The following GABRQ variants were observed in gnomAD, a reference collection of about 807,000 sequenced individuals.
GABRQ encodes gamma-aminobutyric acid receptor subunit theta.
In GABRQ, 19 loss-of-function variants were observed where a neutral mutation model predicts 30.5. The ratio of observed to expected loss-of-function variants is 0.62; its 90% CI spans 0.43 to 0.91. The LOEUF (loss-of-function observed/expected upper bound fraction) is 0.91. GABRQ is among the 40% of genes least tolerant of loss of function. The pLI is 0.00. For missense variants in GABRQ, 520 were observed against 521.4 expected (o/e 1.00, Z 0.03); for synonymous variants, 187 against 210.2 (o/e 0.89, Z 0.95).
downstream of GABRQ, among the ~76,000 whole-genome samples, chrX:152,658,414 T>C (rs1556821388): frequency 8.9e-6 from 1 of 112,155 alleles, no homozygotes. Flanking sequence ...ATAAACCAGC[T>C]AGGGCCCTTT....
rs1556817688 is a variant in GABRQ, at chrX:152,638,161, G to T, written c.-42G>T. 2 of 1,183,914 alleles carry T rather than the reference G, an allele frequency of 1.7e-6. No homozygotes were observed. On this transcript the variant is annotated 5_prime_UTR_variant, in exon 1 of 9. Coordinates refer to ENST00000598523, the MANE Select transcript of GABRQ (RefSeq NM_018558.4). ...CACCCCACCTCTGTTCCTTTTCGCG[G>T]CCCCGTCTCCCGCGCCCTCAGGCGC...
Position 152,647,018 on chromosome X carries a change from T to C in GABRQ, c.377T>C (p.Leu126Pro), listed in dbSNP as rs1930904810. The C allele has an allele frequency of 8.3e-7, 1 of 1,206,724 alleles. No homozygotes were observed. The highest frequency in any genetic ancestry group is 1.7e-5 in the African/African-American group (1 of 57,747). The change falls in exon 4 of 9, where the codon CTG becomes CCG. Residue 126 changes from leucine (L) to proline (P), a missense_variant. Transcript: ENST00000598523. The part of the protein sequence containing the change: ...DSRLAYYETT[L>P]NLTLDYRMHE... Reference sequence around the variant, plus strand: ...CGCTTAGCATACTATGAGACCACCCTGAACTTGACCCTGGACTATCGGATG... The same window carrying C: ...CGCTTAGCATACTATGAGACCACCCCGAACTTGACCCTGGACTATCGGATG...
chrX:152,641,252 G>A (rs1411244362), intron 2 of GABRQ, among the ~76,000 whole-genome samples: 3 of 112,060 alleles, frequency 2.7e-5, no homozygotes, highest in Non-Finnish European at 5.6e-5. Context: ...CTGACCCGGC[G>A]TAGCAAACGC....
rs1237653038 is a variant in GABRQ, at chrX:152,654,370, C to T, written c.*1089C>T. The T allele has an allele frequency of 8.9e-6, 1 of 112,063 alleles. No homozygotes were observed. The highest frequency in any genetic ancestry group is 3.2e-5 in the African/African-American group (1 of 30,804). The allele number at this position is 112,063 out of a possible 1,213,427, so 9.2% of individuals were successfully genotyped here. A position where few individuals can be genotyped will look rare whatever the true frequency, so the allele number is the denominator to read the frequency against. Reference sequence around the variant, plus strand: ...GGAGCCTCACAGGAGCCCTGTAAGCCAGGGAAGGCAAAGCACATTGTCCCC... The same window carrying T: ...GGAGCCTCACAGGAGCCCTGTAAGCTAGGGAAGGCAAAGCACATTGTCCCC... On this transcript the variant is annotated 3_prime_UTR_variant, in exon 9 of 9. Transcript: ENST00000598523.
chrX:152,639,227 A>G (rs969013215), intron 1 of GABRQ, among the ~76,000 whole-genome samples: 9 of 104,670 alleles, frequency 8.6e-5, no homozygotes, highest in African/African-American at 2.4e-4. Flanking sequence ...GATTAGGAAT[A>G]ATTTTTAACA....
Position 152,651,586 on chromosome X carries a change from A to G in GABRQ, c.962A>G (p.Asn321Ser), listed in dbSNP as rs781989212. Residue 321 changes from asparagine to serine, a missense_variant, in exon 8 of 9, where the codon AAC (asparagine) becomes AGC (serine). Asn to Ser is a conservative substitution (Grantham distance 46). Transcript: ENST00000598523. ...TCACATCTGCGGGATAAGCTCCCCA[A>G]CATTTCCTGTATCAAGGCCATTGAT... ...IDSHLRDKLP[N>S]ISCIKAIDIY... is the part of the protein sequence containing the mutation. The G allele has an allele frequency of 8.3e-7, 1 of 1,206,924 alleles. No homozygotes were observed. Among genetic ancestry groups the G allele is most frequent in the African/African-American group, 1.7e-5 (1 of 57,823 alleles).
chrX:152,648,370 T>TTG (rs58855940), intron 4 of GABRQ, among the ~76,000 whole-genome samples: 11,938 of 107,270 alleles, frequency 0.11, 620 homozygotes, highest in Non-Finnish European at 0.16. Flanking sequence ...TTTTTATTTT[T>TTG]TTTTTTTTGA....
chrX:152,641,876 C>T (rs1930766949), intron 2 of GABRQ, among the ~76,000 whole-genome samples: 1 of 111,943 alleles, frequency 8.9e-6, no homozygotes, highest in East Asian at 2.8e-4. Context: ...GTTTTTTTGT[C>T]TTGCCTTTCT....
intron 2 of GABRQ, 151 bp downstream of exon 2, chrX:152,640,617 C>A (rs1355436140): frequency 5.7e-5 from 30 of 528,329 alleles, no homozygotes; most frequent in Non-Finnish European, 9.3e-5. Context: ...TCTGCAGAGA[C>A]CAGCAAGGAA....
chrX:152,643,470 A>C (rs1930806604), intron 2 of GABRQ, among the ~76,000 whole-genome samples: 1 of 112,533 alleles, frequency 8.9e-6, no homozygotes, highest in African/African-American at 3.2e-5. Flanking sequence ...TTTCCCTAGC[A>C]GCAGTGTGAT....
Position 152,650,531 on chromosome X carries a change from G to C in GABRQ, c.852G>C (p.Trp284Cys), listed in dbSNP as rs781966316. 2.5e-6 allele frequency: 3 copies of C among 1,205,404 alleles called. No homozygotes were observed. Among genetic ancestry groups the C allele is most frequent in the Non-Finnish European group, 3.4e-6 (3 of 890,053 alleles). ...WPTVLTTITS[W>C]ISFWMNYDSS... ...CTGTCCTCACCACTATTACCTCTTGGATATCGTTTTGGATGAACTATGATT... is the reference window on the plus strand; with the variant it reads ...CTGTCCTCACCACTATTACCTCTTGCATATCGTTTTGGATGAACTATGATT... Residue 284 changes from tryptophan to cysteine, a missense_variant, in exon 7 of 9, where the codon TGG becomes TGC. Physicochemically the swap from Trp to Cys is radical, Grantham distance 215. Transcript: ENST00000598523.
Position 152,638,307 on chromosome X carries a change from G to T in GABRQ, c.105G>T (p.Glu35Asp), listed in dbSNP as rs375153903. ...YPSPIPKFHF[E>D]FSSAVPEVVL... ...GTCCCATCCCGAAATTCCACTTCGA[G>T]TTCTCCTCTGCTGTGCCCGAAGTCG... Residue 35 changes from glutamate (E) to aspartate (D), a missense_variant, in exon 1 of 9, where the codon GAG (glutamate) becomes GAT (aspartate). Transcript: ENST00000598523. The T allele has an allele frequency of 3.3e-6, 4 of 1,210,748 alleles. No homozygotes were observed. Among genetic ancestry groups the T allele is most frequent in the Non-Finnish European group, 4.5e-6 (4 of 894,883 alleles).
At position 152,638,312 on chromosome X, in the gene GABRQ, C is replaced by G. The variant is rs2124903652; in HGVS notation, c.110C>G (p.Ser37Cys). Residue 37 changes from serine to cysteine, a missense_variant, in exon 1 of 9, where the codon TCC (serine) becomes TGC (cysteine). Physicochemically the swap from Ser to Cys is moderately radical, Grantham distance 112 (BLOSUM62 -1). Coordinates refer to ENST00000598523, the MANE Select transcript of GABRQ (RefSeq NM_018558.4). ...ATCCCGAAATTCCACTTCGAGTTCT[C>G]CTCTGCTGTGCCCGAAGTCGTCCTG... Reference protein sequence around the residue: ...SPIPKFHFEFSSAVPEVVLNL... With the variant: ...SPIPKFHFEFCSAVPEVVLNL... 8.3e-7 allele frequency: 1 copy of G among 1,210,713 alleles called. No individual in the cohort carries two copies. Among genetic ancestry groups the G allele is most frequent in the South Asian group, 1.8e-5 (1 of 56,920 alleles).
chrX:152,649,663 A>G lies in GABRQ; in HGVS notation c.611-79A>G, dbSNP rs1393474156. ...GGAAAGTGTGTGCAAGTTAGTGGGT[A>G]GGAGCTTGTAGCATGTCTTTTTTGT... On this transcript the variant is annotated intron_variant, in intron 5 of 8. Coordinates refer to ENST00000598523, the MANE Select transcript of GABRQ (RefSeq NM_018558.4). 7.5e-6 allele frequency: 6 copies of G among 804,724 alleles called. No homozygotes were observed. The African/African-American group carries it at 1.2e-4, about 16-fold the overall frequency. 66.3% of individuals were successfully genotyped at this position (804,724 alleles called of 1,213,427 possible). A position where few individuals can be genotyped will look rare whatever the true frequency, so the allele number is the denominator to read the frequency against.
chrX:152,647,284 T>A (rs1602821242), intron 4 of GABRQ, 116 bp downstream of exon 4: 1 of 521,433 alleles, frequency 1.9e-6, no homozygotes, highest in Non-Finnish European at 3.2e-6. Context: ...AAACCCGTCT[T>A]GAACTTCCCC....
At chrX:152,643,975 TCA>T (rs782234587) in intron 2 of GABRQ, among the ~76,000 whole-genome samples, 3 of 111,592 alleles carry the variant, frequency 2.7e-5, no homozygotes, top group Non-Finnish European at 5.6e-5. Context: ...GCACATTCAC[TCA>T]CACAAACATG....
intron 2 of GABRQ, among the ~76,000 whole-genome samples, chrX:152,644,670 A>G (rs782699195): frequency 3.4e-4 from 38 of 112,091 alleles, no homozygotes; most frequent in African/African-American, 1.2e-3. Flanking sequence ...ACACATGAAC[A>G]GGCTCACATA....
At chrX:152,646,465 T>G (rs1930888847) in intron 3 of GABRQ, among the ~76,000 whole-genome samples, 1 of 112,570 alleles carries the variant, frequency 8.9e-6, no homozygotes, top group Non-Finnish European at 1.9e-5. Flanking sequence ...GTGAACAAAT[T>G]ATAATTACAC....
In GABRQ at chrX:152,653,250, A is replaced by T; in HGVS notation, c.1868A>T (p.Asn623Ile). The change falls in exon 9 of 9, where the codon AAC (asparagine) becomes ATC (isoleucine). Residue 623 changes from asparagine to isoleucine, a missense_variant. Coordinates refer to ENST00000598523, the MANE Select transcript of GABRQ (RefSeq NM_018558.4). ...FLFPLAFGLF[N>I]IVYWVYHMY Reference sequence around the variant, plus strand: ...TTCCCTCTGGCCTTTGGGTTGTTCAACATTGTTTACTGGGTATACCATATG... The same window carrying T: ...TTCCCTCTGGCCTTTGGGTTGTTCATCATTGTTTACTGGGTATACCATATG... The T allele has an allele frequency of 8.3e-7, 1 of 1,205,554 alleles. No individual in the cohort carries two copies. Among genetic ancestry groups the T allele is most frequent in the South Asian group, 1.8e-5 (1 of 56,721 alleles).
Sources: gnomAD v4.1 joint callset for allele counts (sites outside exome capture counted in the v4.1 genomes callset) on GRCh38, gnomAD v4.1.1 for gene constraint, MANE v1.5 for transcripts, NCBI Gene and HGNC (gene_info 2026-07-23, HGNC 2026-07-21) for gene names.